Variants in TMEM269 observed in about 807,000 individuals in gnomAD.
TMEM269 encodes the protein transmembrane protein 269.
TMEM269 carries 12 observed loss-of-function variants against 15.8 expected under a neutral mutation model. The ratio of observed to expected loss-of-function variants is 0.76; its 90% CI spans 0.49 to 1.23. The LOEUF (loss-of-function observed/expected upper bound fraction) is 1.23, where lower values mean the gene tolerates loss of function less well. Among genes scored for constraint, TMEM269 ranks in the 50% most tolerant of loss-of-function variants. The pLI is 0.00. For missense variants in TMEM269, 211 were observed against 245.4 expected, an observed-to-expected ratio of 0.86 and a Z score of 0.94; for synonymous variants, 93 against 99.3, an observed-to-expected ratio of 0.94 and a Z score of 0.38.
rs1570503903 is a variant in TMEM269, at chr1:42,789,893, C to T, written c.-1C>T. 6.4e-7 allele frequency: 1 copy of T among 1,550,736 alleles called. No individual in the cohort carries two copies. Among genetic ancestry groups the T allele is most frequent in the South Asian group, 1.2e-5 (1 of 84,056 alleles). ...TTACCAGTGCCTTATCTCTGGCCAA[C>T]ATGGTGCTGGGGCTCTTCTCCATCA... On this transcript the variant is annotated 5_prime_UTR_variant, in exon 2 of 6. Transcript: ENST00000637012.
chr1:42,794,707 T>G (rs998485662), intron 5 of TMEM269, 94 bp downstream of exon 5: 1 of 896,152 alleles, frequency 1.1e-6, no homozygotes, highest in African/African-American at 1.7e-5. Flanking sequence ...CTTATTCTGC[T>G]TTATTTTTCC....
intron 2 of TMEM269, among the ~76,000 whole-genome samples, chr1:42,790,596 CTT>C (rs34731755): frequency 0.029 from 3,997 of 136,918 alleles, 139 homozygotes; most frequent in African/African-American, 0.089. Flanking sequence ...TTTTAAGAAA[CTT>C]TTTTTTTTTT....
chr1:42,794,269 A>C (rs1653752284), intron 4 of TMEM269, 144 bp from the exon 5 acceptor site: 1 of 648,266 alleles, frequency 1.5e-6, no homozygotes, highest in South Asian at 2.0e-5. Context: ...TTGTGAATAA[A>C]TGATTTTCAG....
In TMEM269 at chr1:42,798,443, T is replaced by G; in HGVS notation, c.*218T>G. On this transcript the variant is annotated 3_prime_UTR_variant, in exon 6 of 6. Coordinates refer to ENST00000637012, the MANE Select transcript of TMEM269 (RefSeq NM_001354602.2). ...CTGACTCCCTTGCGGACAATACTTG[T>G]TTATGTCATGTAGAGCAGAATATCC... 1.7e-6 allele frequency: 1 copy of G among 582,938 alleles called. No homozygotes were observed. Among genetic ancestry groups the G allele is most frequent in the South Asian group, 2.2e-5 (1 of 45,608 alleles). The allele number at this position is 582,938 out of a possible 1,614,324, so 36.1% of individuals were successfully genotyped here.
rs1052991271 is a variant in TMEM269 at position 42,794,399 on chromosome 1, G to A, written c.284-14G>A. ...CAGAGGGAAGCAGCTAATCTCCAGC[G>A]TTCTTCCTGGCAGGAGTCCCCTCCA... On this transcript the variant is annotated splice_polypyrimidine_tract_variant and intron_variant, in intron 4 of 5. Transcript: ENST00000637012. The A allele has an allele frequency of 1.9e-5, 29 of 1,546,888 alleles. No homozygotes were observed. The highest frequency in any genetic ancestry group is 3.3e-4 in the Middle Eastern group (2 of 5,992).
chr1:42,795,709 T>C (rs1460426300), intron 5 of TMEM269, among the ~76,000 whole-genome samples: 1 of 152,216 alleles, frequency 6.6e-6, no homozygotes, highest in African/African-American at 2.4e-5. Context: ...GAGCTTCCCC[T>C]GATTTAGGGC....
Position 42,797,168 on chromosome 1 carries a change from C to G in TMEM269, c.485-930C>G, listed in dbSNP as rs1653803677. 6.6e-6 allele frequency among the ~76,000 whole-genome samples: 1 copy of G among 152,042 alleles called. No individual in the cohort carries two copies. The highest frequency in any genetic ancestry group is 6.6e-5 in the Admixed American group (1 of 15,262). Reference sequence around the variant, plus strand: ...GCCTTTTGGTGGCGAATCTGAGATGCAAATTGTGTTGGGAGTCCCCAAGAC... The same window carrying G: ...GCCTTTTGGTGGCGAATCTGAGATGGAAATTGTGTTGGGAGTCCCCAAGAC... On this transcript the variant is annotated intron_variant, in intron 5 of 5. Coordinates refer to ENST00000637012, the MANE Select transcript of TMEM269 (RefSeq NM_001354602.2). The surrounding 1 kb of genome is among the most constrained non-coding windows in gnomAD (Gnocchi z 4.9).
chr1:42,792,796 G>A lies in TMEM269; in HGVS notation c.42-9G>A, dbSNP rs935323889. ...CTTCCCTGTTTGGGCTTGCTGGCCT[G>A]CACTTTAGGAAATGCCACTATGCCT... On this transcript the variant is annotated splice_polypyrimidine_tract_variant and intron_variant, in intron 2 of 5. Coordinates refer to ENST00000637012, the MANE Select transcript of TMEM269 (RefSeq NM_001354602.2). 7 of 1,546,582 alleles carry A rather than the reference G, an allele frequency of 4.5e-6. No homozygotes were observed. Among genetic ancestry groups the A allele is most frequent in the Non-Finnish European group, 5.2e-6 (6 of 1,143,500 alleles).
intron 3 of TMEM269, among the ~76,000 whole-genome samples, 186 bp downstream of exon 3, chr1:42,793,088 C>T (rs935358039): frequency 6.6e-6 from 1 of 152,222 alleles, no homozygotes; most frequent in African/African-American, 2.4e-5. Flanking sequence ...CCAGCTCCAG[C>T]TCCTCTGCTG....
rs1474998151 is a variant in TMEM269, at chr1:42,799,797, G to A, written c.*1572G>A. The A allele has an allele frequency of 6.6e-6, 1 of 152,130 alleles. No individual in the cohort carries two copies. The highest frequency in any genetic ancestry group is 1.5e-5 in the Non-Finnish European group (1 of 68,030). The allele number at this position is 152,130 out of a possible 1,614,324, so 9.4% of individuals were successfully genotyped here. ...CAATGTGATGCTCCCCTTAATCAAA[G>A]CATTTTAGGAACTCCAATCTGAAAA... On this transcript the variant is annotated 3_prime_UTR_variant, in exon 6 of 6. Transcript: ENST00000637012.
chr1:42,798,124 T>C lies in TMEM269; in HGVS notation c.511T>C (p.Leu171=), dbSNP rs1464106529. 1.3e-6 allele frequency: 2 copies of C among 1,551,178 alleles called. No individual in the cohort carries two copies. The highest frequency in any genetic ancestry group is 2.4e-5 in the South Asian group (2 of 84,060). The part of the protein sequence containing the change: ...GGVIMLFFSP[L]SLSAFYCLMW... ...TGTCATCATGCTGTTTTTCTCCCCA[T>C]TGTCTCTGTCTGCTTTTTACTGCCT... Residue 171 remains leucine, a synonymous_variant, in exon 6 of 6, where the codon TTG becomes CTG. Coordinates refer to ENST00000637012, the MANE Select transcript of TMEM269 (RefSeq NM_001354602.2).
rs190347781 is a variant in TMEM269, at chr1:42,791,970, C to T, written c.42-835C>T. On this transcript the variant is annotated intron_variant, in intron 2 of 5. Transcript: ENST00000637012. ...TGAGTGGAGATCGTGCCACTGCACT[C>T]CAGCCTGGGCAACAGAGGGACTCCA... is the stretch of plus-strand genomic sequence containing the variant. Among the ~76,000 whole-genome samples, 520 of 152,114 alleles carry T rather than the reference C, an allele frequency of 3.4e-3. 3 individuals carry two copies. Among genetic ancestry groups the T allele is most frequent in the African/African-American group, 0.012 (495 of 41,478 alleles).
rs933165969 is a variant in TMEM269 at position 42,788,653 on chromosome 1, C to T, written c.-98-1143C>T. On this transcript the variant is annotated intron_variant, in intron 1 of 5. Transcript: ENST00000637012. This position sits in a 1 kb window ranked among gnomAD's most constrained non-coding sequence, Gnocchi z 4.0. ...GCCTCGCAGGCCTGGCCATTGAGCT[C>T]GTTCACTGCCATATCCCACACACCT... 1.3e-5 allele frequency among the ~76,000 whole-genome samples: 2 copies of T among 152,146 alleles called. No homozygotes were observed. Among genetic ancestry groups the T allele is most frequent in the Non-Finnish European group, 2.9e-5 (2 of 68,028 alleles).
At chr1:42,785,623 T>C (rs1391312298) in intron 1 of TMEM269, among the ~76,000 whole-genome samples, 1 of 152,098 alleles carries the variant, frequency 6.6e-6, no homozygotes, top group Non-Finnish European at 1.5e-5. Flanking sequence ...AACACCACAG[T>C]GCCCGCCACG....
At chr1:42,793,534 C>T (rs1228704296) in intron 3 of TMEM269, 67 bp from the exon 4 acceptor site, 3 of 1,457,838 alleles carry the variant, frequency 2.1e-6, no homozygotes, top group Non-Finnish European at 2.7e-6. Flanking sequence ...AGCTCCCCTA[C>T]TAGATGGGGG....
At chr1:42,789,547 T>C in intron 1 of TMEM269, 2 of 1,492,490 alleles carry the variant, frequency 1.3e-6, no homozygotes, top group Non-Finnish European at 1.8e-6. Context: ...AGAGAGGGAG[T>C]GGAAACTATG....
chr1:42,794,691 A>C (rs1055237003), intron 5 of TMEM269, 78 bp downstream of exon 5: 152 of 987,386 alleles, frequency 1.5e-4, no homozygotes, highest in Non-Finnish European at 5.8e-5. Flanking sequence ...GCATTTTTCT[A>C]TCTCTCTTAT....
chr1:42,789,688 T>C, intron 1 of TMEM269, 108 bp from the exon 2 acceptor site: 1 of 813,900 alleles, frequency 1.2e-6, no homozygotes, highest in Admixed American at 2.1e-5. Context: ...AAACAGAATG[T>C]AGGGAGGGTG....
chr1:42,785,738 T>A (rs947232450), intron 1 of TMEM269, among the ~76,000 whole-genome samples: 3 of 152,232 alleles, frequency 2.0e-5, no homozygotes, highest in African/African-American at 7.2e-5. Flanking sequence ...TCATCGTGCT[T>A]CCGCACCTGC....
Sources: allele counts gnomAD v4.1 joint callset (sites outside exome capture counted in the v4.1 genomes callset), GRCh38; gene constraint gnomAD v4.1.1; non-coding constraint Gnocchi (gnomAD v3.1); transcripts MANE v1.5; gene names NCBI Gene and HGNC (gene_info 2026-07-23, HGNC 2026-07-21).